RBM20: variants seen among roughly 807,000 people sequenced by gnomAD.
RBM20 encodes the protein RNA-binding protein 20.
A neutral mutation model predicts 110.1 loss-of-function variants in RBM20; 51 were observed. The observed-to-expected ratio is 0.46, with a 90% confidence interval of 0.37 to 0.59. The LOEUF (loss-of-function observed/expected upper bound fraction) is 0.59, where lower values mean the gene tolerates loss of function less well. RBM20 is among the 20% of genes least tolerant of loss of function. The probability of loss-of-function intolerance (pLI) is 0.00; values close to 1 mark genes in which losing one functional copy is unlikely to be tolerated. For synonymous variants in RBM20, 589 were observed against 618.2 expected, an observed-to-expected ratio of 0.95 and a Z score of 0.70; for missense variants, 1,512 against 1,574.9, an observed-to-expected ratio of 0.96 and a Z score of 0.68.
intron 10 of RBM20, 55 bp downstream of exon 10, chr10:110,820,231 T>C: frequency 7.9e-7 from 1 of 1,264,560 alleles, no homozygotes; most frequent in Non-Finnish European, 1.1e-6. Flanking sequence ...GTCACAGGAG[T>C]CCCCCTTTTG....
chr10:110,653,531 AT>A (rs55847568), intron 1 of RBM20, among the ~76,000 whole-genome samples: 106,429 of 144,242 alleles, frequency 0.74, 40,129 homozygotes, highest in South Asian at 0.84. Flanking sequence ...CATATAGCTG[AT>A]TTTTTTTTTT....
intron 2 of RBM20, among the ~76,000 whole-genome samples, chr10:110,782,638 C>T (rs1166712999): frequency 1.3e-5 from 2 of 152,194 alleles, no homozygotes; most frequent in African/African-American, 2.4e-5. Context: ...ATGACTTACT[C>T]AGCCCCTTCT....
chr10:110,654,039 C>T (rs952477675), intron 1 of RBM20, among the ~76,000 whole-genome samples: 1 of 152,126 alleles, frequency 6.6e-6, no homozygotes, highest in African/African-American at 2.4e-5. Context: ...TTTAACATGG[C>T]GGCCACCGGA....
At chr10:110,743,068 G>A (rs1843739663) in intron 1 of RBM20, among the ~76,000 whole-genome samples, 1 of 152,200 alleles carries the variant, frequency 6.6e-6, no homozygotes. Flanking sequence ...GCCTGGCAGG[G>A]TTCCGAAAAC....
chr10:110,675,859 A>G (rs1862331025), intron 1 of RBM20, among the ~76,000 whole-genome samples: 1 of 152,226 alleles, frequency 6.6e-6, no homozygotes, highest in South Asian at 2.1e-4. Flanking sequence ...ATGTGATAAT[A>G]TATATAATCA....
chr10:110,738,018 A>G (rs1362113978), intron 1 of RBM20, among the ~76,000 whole-genome samples: 1 of 152,158 alleles, frequency 6.6e-6, no homozygotes, highest in African/African-American at 2.4e-5. Flanking sequence ...CATCATCTAT[A>G]TGCCAGGCAC....
At position 110,812,932 on chromosome 10, in the gene RBM20, A is replaced by G. The variant is rs1228699001; in HGVS notation, c.2535A>G (p.Thr845=). The change falls in exon 9 of 14, where the codon ACA becomes ACG. Residue 845 remains threonine (T), a synonymous_variant. Transcript: ENST00000369519. ...QEGADDRKEN[T]MAENEAGKEE... ...GAGCTGATGATAGAAAAGAAAACACAATGGCAGAGAATGAGGTAATGATCA... is the reference window on the plus strand; with the variant it reads ...GAGCTGATGATAGAAAAGAAAACACGATGGCAGAGAATGAGGTAATGATCA... 90 of 1,450,874 alleles carry G rather than the reference A, an allele frequency of 6.2e-5. No homozygotes were observed. In the East Asian group the frequency reaches 2.2e-3, roughly 36 times the overall value. 89.9% of individuals were successfully genotyped at this position (1,450,874 alleles called of 1,614,324 possible).
At position 110,805,509 on chromosome 10, in the gene RBM20, C is replaced by T. The variant is rs568545486; in HGVS notation, c.1801-4874C>T. Among the ~76,000 whole-genome samples the T allele has an allele frequency of 3.3e-5, 5 of 152,246 alleles. No individual in the cohort carries two copies. The South Asian group carries it at 1.0e-3, about 32-fold the overall frequency. On this transcript the variant is annotated intron_variant, in intron 7 of 13. Coordinates refer to ENST00000369519, the MANE Select transcript of RBM20 (RefSeq NM_001134363.3). Reference sequence around the variant, plus strand: ...GAGGGCATGAAACTTTCCAGCAGCTCCCTTCATGTTGGCCAAGCACTCTGT... The same window carrying T: ...GAGGGCATGAAACTTTCCAGCAGCTTCCTTCATGTTGGCCAAGCACTCTGT...
chr10:110,779,969 C>G (rs1033640178), intron 1 of RBM20, among the ~76,000 whole-genome samples: 1 of 151,942 alleles, frequency 6.6e-6, no homozygotes, highest in African/African-American at 2.4e-5. Flanking sequence ...TATAGATTTT[C>G]TCATGTCATT....
At chr10:110,685,840 C>T (rs1862496428) in intron 1 of RBM20, among the ~76,000 whole-genome samples, 3 of 152,116 alleles carry the variant, frequency 2.0e-5, no homozygotes, top group Admixed American at 6.5e-5. Flanking sequence ...TTGAAACTAA[C>T]ACACTGAAAA....
intron 1 of RBM20, among the ~76,000 whole-genome samples, chr10:110,743,206 G>A (rs1369704924): frequency 6.6e-6 from 1 of 152,118 alleles, no homozygotes. Context: ...GGAAAAAAAA[G>A]GCTTATGAGC....
intron 1 of RBM20, among the ~76,000 whole-genome samples, chr10:110,658,004 GAATC>G (rs1377661639): frequency 1.3e-5 from 2 of 152,054 alleles, no homozygotes; most frequent in Non-Finnish European, 2.9e-5. Flanking sequence ...TTTGTTTTCA[GAATC>G]AATCACTCAT....
chr10:110,692,096 C>G (rs1458929825), intron 1 of RBM20, among the ~76,000 whole-genome samples: 2 of 151,232 alleles, frequency 1.3e-5, no homozygotes, highest in African/African-American at 4.9e-5. Flanking sequence ...ATTTTTTTTT[C>G]TGGGTTCTCT....
intron 1 of RBM20, among the ~76,000 whole-genome samples, chr10:110,748,962 G>A (rs1269540381): frequency 1.3e-5 from 2 of 152,218 alleles, no homozygotes; most frequent in Non-Finnish European, 2.9e-5. Context: ...ATGGGAAAAT[G>A]TATGATATTT....
At chr10:110,804,065 C>A (rs1430875031) in intron 7 of RBM20, among the ~76,000 whole-genome samples, 1 of 152,130 alleles carries the variant, frequency 6.6e-6, no homozygotes, top group Non-Finnish European at 1.5e-5. Context: ...CTTTCTCCCC[C>A]TTCCCTTTCC....
chr10:110,657,073 T>C (rs955754923), intron 1 of RBM20, among the ~76,000 whole-genome samples: 5 of 151,792 alleles, frequency 3.3e-5, no homozygotes, highest in Admixed American at 2.0e-4. Context: ...CTGGAGTGCA[T>C]TGGCGTGATC....
At chr10:110,808,127 C>T (rs1590692898) in intron 7 of RBM20, among the ~76,000 whole-genome samples, 1 of 152,236 alleles carries the variant, frequency 6.6e-6, no homozygotes, top group East Asian at 1.9e-4. Flanking sequence ...CCAAGGTGGG[C>T]AGGCAGGAAG....
At chr10:110,671,736 G>GAT (rs35930707) in intron 1 of RBM20, among the ~76,000 whole-genome samples, 4,828 of 150,974 alleles carry the variant, frequency 0.032, 231 homozygotes, top group African/African-American at 0.11. Context: ...CACTGTTTAA[G>GAT]ATATATATAT....
At chr10:110,723,620 G>C (rs1442937111) in intron 1 of RBM20, among the ~76,000 whole-genome samples, 2 of 152,176 alleles carry the variant, frequency 1.3e-5, no homozygotes, top group Non-Finnish European at 2.9e-5. Context: ...AGCCATTCTA[G>C]TGGATATGAA....
Sources: gnomAD v4.1 joint callset for allele counts (sites outside exome capture counted in the v4.1 genomes callset) on GRCh38, gnomAD v4.1.1 for gene constraint, MANE v1.5 for transcripts, NCBI Gene and HGNC (gene_info 2026-07-23, HGNC 2026-07-21) for gene names.